Variants in WNT3A observed in about 807,000 individuals in gnomAD.
The protein encoded by WNT3A is protein Wnt-3a.
A neutral mutation model predicts 37.0 loss-of-function variants in WNT3A; 17 were observed. That is an observed-to-expected ratio of 0.46 (90% CI 0.31 to 0.69). The LOEUF (loss-of-function observed/expected upper bound fraction) is 0.69. Ranked by LOEUF, WNT3A falls within the 30% of genes least tolerant of loss-of-function variation. The pLI, the probability that WNT3A is intolerant of heterozygous loss-of-function variation, is 0.05. For synonymous variants in WNT3A, 187 were observed against 211.0 expected (o/e 0.89, Z 0.99); for missense variants, 411 against 510.2 (o/e 0.81, Z 1.87).
At position 228,008,793 on chromosome 1, in the gene WNT3A, G is replaced by A. The variant is rs2030281839; in HGVS notation, c.71+1594G>A. 6.6e-6 allele frequency among the ~76,000 whole-genome samples: 1 copy of A among 152,320 alleles called. No individual in the cohort carries two copies. Among genetic ancestry groups the A allele is most frequent in the East Asian group, 1.9e-4 (1 of 5,174 alleles). On this transcript the variant is annotated intron_variant, in intron 1 of 3. Transcript: ENST00000284523. This position sits in a 1 kb window ranked among gnomAD's most constrained non-coding sequence, Gnocchi z 4.9. ...CGCGCCCTTCCCATAAATGTCGCCA[G>A]CCTCCTGGCAACCCCGCGCCCTAGG...
chr1:228,043,048 G>A (rs1054950470), intron 2 of WNT3A, among the ~76,000 whole-genome samples: 27 of 150,792 alleles, frequency 1.8e-4, no homozygotes, highest in African/African-American at 6.0e-4. Flanking sequence ...GATGATGCAC[G>A]ATAGATGAAT....
At chr1:228,024,283 C>G in intron 2 of WNT3A, among the ~76,000 whole-genome samples, 1 of 152,322 alleles carries the variant, frequency 6.6e-6, no homozygotes, top group Middle Eastern at 3.4e-3. Context: ...ATATTCCTAC[C>G]AGTATTGTTT....
Position 228,060,398 on chromosome 1 carries a change from C to T in WNT3A, c.*933C>T. On this transcript the variant is annotated 3_prime_UTR_variant, in exon 4 of 4. Transcript: ENST00000284523. ...TGCTCCAGGCGCGCCGACGCCTGTG[C>T]CACCCCTTCCTCAGCCTGGGGTTTG... 1.2e-5 allele frequency: 12 copies of T among 961,276 alleles called. No individual in the cohort carries two copies. The highest frequency in any genetic ancestry group is 1.7e-5 in the Non-Finnish European group (12 of 693,874). The allele number at this position is 961,276 out of a possible 1,614,324, so 59.5% of individuals were successfully genotyped here.
rs1054412702 is a variant in WNT3A, at chr1:228,037,696, G to A, written c.314-12960G>A. 2.8e-4 allele frequency among the ~76,000 whole-genome samples: 42 copies of A among 152,270 alleles called. No homozygotes were observed. Among genetic ancestry groups the A allele is most frequent in the African/African-American group, 9.9e-4 (41 of 41,564 alleles). On this transcript the variant is annotated intron_variant, in intron 2 of 3. Coordinates refer to ENST00000284523, the MANE Select transcript of WNT3A (RefSeq NM_033131.4). This position sits in a 1 kb window ranked among gnomAD's most constrained non-coding sequence, Gnocchi z 4.1. ...GGTGGGGGGCTCCCCTGGCTCCAGC[G>A]GCCTCTCTGGTATATCATTAACTCT... is the stretch of plus-strand genomic sequence containing the variant.
chr1:228,058,804 G>A (rs1268902057), intron 3 of WNT3A, among the ~76,000 whole-genome samples, 182 bp from the exon 4 acceptor site: 1 of 152,258 alleles, frequency 6.6e-6, no homozygotes, highest in Non-Finnish European at 1.5e-5. Context: ...GTCTGGCAAG[G>A]GAGCAGGCAC....
chr1:228,030,491 C>T (rs935888072), intron 2 of WNT3A, among the ~76,000 whole-genome samples: 1 of 152,092 alleles, frequency 6.6e-6, no homozygotes, highest in Non-Finnish European at 1.5e-5. Context: ...GCTGACCCAG[C>T]GAGAAAAAGA....
intron 1 of WNT3A, among the ~76,000 whole-genome samples, chr1:228,015,749 G>C (rs1307968713): frequency 1.6e-5 from 2 of 126,530 alleles, no homozygotes; most frequent in African/African-American, 3.1e-5. Flanking sequence ...GTGGTTCCTT[G>C]TGTGAGTGAT....
At chr1:228,041,137 A>G (rs1180551676) in intron 2 of WNT3A, among the ~76,000 whole-genome samples, 2 of 151,940 alleles carry the variant, frequency 1.3e-5, no homozygotes, top group Non-Finnish European at 2.9e-5. Flanking sequence ...ATGCTCTCTG[A>G]TACTTGAAAA....
At chr1:228,017,483 C>A (rs570809209) in intron 1 of WNT3A, among the ~76,000 whole-genome samples, 1 of 152,052 alleles carries the variant, frequency 6.6e-6, no homozygotes, top group Admixed American at 6.6e-5. Flanking sequence ...AAGGCCGAGG[C>A]GGGAGGATGG....
intron 3 of WNT3A, among the ~76,000 whole-genome samples, chr1:228,055,221 C>T (rs1475037005): frequency 4.5e-4 from 36 of 79,364 alleles, no homozygotes; most frequent in Admixed American, 7.3e-4. Context: ...TATATATATA[C>T]ACACACACAA....
At chr1:228,044,747 T>C (rs1410018164) in intron 2 of WNT3A, among the ~76,000 whole-genome samples, 1 of 152,252 alleles carries the variant, frequency 6.6e-6, no homozygotes, top group Non-Finnish European at 1.5e-5. Flanking sequence ...ATAAACACTG[T>C]GAGCAGTTGC....
intron 2 of WNT3A, among the ~76,000 whole-genome samples, chr1:228,032,406 G>A (rs371026186): frequency 2.0e-5 from 3 of 152,160 alleles, no homozygotes; most frequent in South Asian, 4.1e-4. Context: ...CCCCAAAGTC[G>A]GTGAATAGCA....
chr1:228,011,915 T>A (rs138866691), intron 1 of WNT3A, among the ~76,000 whole-genome samples: 1 of 152,300 alleles, frequency 6.6e-6, no homozygotes, highest in Non-Finnish European at 1.5e-5. Flanking sequence ...ACTGCCAGGA[T>A]CCGTAGCCGC....
In WNT3A at chr1:228,007,188, C is replaced by T. The variant is rs1190906295; in HGVS notation, c.60C>T (p.Tyr20=). 1 of 1,604,110 alleles carries T rather than the reference C, an allele frequency of 6.2e-7. No homozygotes were observed. The highest frequency in any genetic ancestry group is 2.3e-5 in the East Asian group (1 of 44,236). The change falls in exon 1 of 4, where the codon TAC becomes TAT. Residue 20 remains tyrosine, a synonymous_variant. Transcript: ENST00000284523. The surrounding 1 kb of genome is among the most constrained non-coding windows in gnomAD (Gnocchi z 6.0). ...GCCTGAAGCAGGCTCTGGGCAGCTA[C>T]CCGATCTGGTGGTGAGTGAGCCTCC... ...LCSLKQALGS[Y]PIWWSLAVGP... is the part of the protein sequence containing the mutation.
intron 1 of WNT3A, among the ~76,000 whole-genome samples, chr1:228,018,130 GA>G (rs1237523436): frequency 1.3e-5 from 2 of 152,170 alleles, no homozygotes; most frequent in East Asian, 3.9e-4. Context: ...GGACCCTGGG[GA>G]CACTCGATCT....
At position 228,007,081 on chromosome 1, in the gene WNT3A, C is replaced by T; in HGVS notation, c.-48C>T. 6.9e-7 allele frequency: 1 copy of T among 1,440,470 alleles called. No individual in the cohort carries two copies. Among genetic ancestry groups the T allele is most frequent in the African/African-American group, 1.5e-5 (1 of 66,996 alleles). 89.2% of individuals were successfully genotyped at this position (1,440,470 alleles called of 1,614,324 possible). On this transcript the variant is annotated 5_prime_UTR_variant, in exon 1 of 4. Coordinates refer to ENST00000284523, the MANE Select transcript of WNT3A (RefSeq NM_033131.4). This position sits in a 1 kb window ranked among gnomAD's most constrained non-coding sequence, Gnocchi z 6.0. ...CCAGGGCCCGGCCCCCCCCGGCGCT[C>T]ACGCTCTCGGGGCGGACTCCCGGCC...
In WNT3A at chr1:228,037,470, C is replaced by A. The variant is rs2031170951; in HGVS notation, c.314-13186C>A. The stretch of plus-strand genomic sequence containing the variant: ...ACAGCCCAGCCTCCTCTCCTCCCCG[C>A]TGAGCCCCCAGGAGCCCCTCGGGGG... On this transcript the variant is annotated intron_variant, in intron 2 of 3. Coordinates refer to ENST00000284523, the MANE Select transcript of WNT3A (RefSeq NM_033131.4). The surrounding 1 kb of genome is among the most constrained non-coding windows in gnomAD (Gnocchi z 4.1). Among the ~76,000 whole-genome samples, 2 of 152,102 alleles carry A rather than the reference C, an allele frequency of 1.3e-5. No individual in the cohort carries two copies. Among genetic ancestry groups the A allele is most frequent in the African/African-American group, 2.4e-5 (1 of 41,416 alleles).
intron 2 of WNT3A, among the ~76,000 whole-genome samples, chr1:228,046,039 G>A (rs2031396150): frequency 6.6e-6 from 1 of 152,218 alleles, no homozygotes; most frequent in African/African-American, 2.4e-5. Context: ...CCCGATCCCT[G>A]GCCGCTCCCC....
At position 228,042,113 on chromosome 1, in the gene WNT3A, G is replaced by A. The variant is rs759606440; in HGVS notation, c.314-8543G>A. On this transcript the variant is annotated intron_variant, in intron 2 of 3. Coordinates refer to ENST00000284523, the MANE Select transcript of WNT3A (RefSeq NM_033131.4). This position sits in a 1 kb window ranked among gnomAD's most constrained non-coding sequence, Gnocchi z 5.2. ...CCCACCTCAGCCTCTTGAGTAGCTG[G>A]CACTACAGGTGCACGCCACCATGCC... is the stretch of plus-strand genomic sequence containing the variant. 1.6e-4 allele frequency among the ~76,000 whole-genome samples: 25 copies of A among 152,162 alleles called. No individual in the cohort carries two copies. The highest frequency in any genetic ancestry group is 2.9e-4 in the Non-Finnish European group (20 of 68,012).
Sources: allele counts gnomAD v4.1 joint callset (sites outside exome capture counted in the v4.1 genomes callset), GRCh38; gene constraint gnomAD v4.1.1; non-coding constraint Gnocchi (gnomAD v3.1); transcripts MANE v1.5; gene names NCBI Gene and HGNC (gene_info 2026-07-23, HGNC 2026-07-21).